Variants in PDE4B observed in about 807,000 individuals in gnomAD.
PDE4B encodes phosphodiesterase 4B, also known as 3',5'-cyclic-AMP phosphodiesterase 4B.
A neutral mutation model predicts 82.2 loss-of-function variants in PDE4B; 20 were observed. The ratio of observed to expected loss-of-function variants is 0.24; its 90% confidence interval spans 0.17 to 0.35. The LOEUF is 0.35. Ranked by LOEUF, PDE4B falls within the 10% of genes least tolerant of loss-of-function variation. PDE4B has a pLI of 1.00. For synonymous variants in PDE4B, 320 were observed against 318.9 expected, an observed-to-expected ratio of 1.00 and a Z score of -0.04; for missense variants, 655 against 907.2, an observed-to-expected ratio of 0.72 and a Z score of 3.57.
In PDE4B at chr1:66,208,236, G is replaced by A. The variant is rs557201259; in HGVS notation, c.282-39224G>A. Among the ~76,000 whole-genome samples, 8 of 152,234 alleles carry A rather than the reference G, an allele frequency of 5.3e-5. No individual in the cohort carries two copies. In the East Asian group the frequency reaches 1.2e-3, roughly 22 times the overall value. On this transcript the variant is annotated intron_variant, in intron 3 of 16. Transcript: ENST00000341517. ...ACCTTCTTGGAGCCTTGAGAGACAG[G>A]CACAGGTTCTCTTACATAGGCTATT...
intron 1 of PDE4B, among the ~76,000 whole-genome samples, chr1:65,905,181 T>C (rs978281173): frequency 6.6e-6 from 1 of 152,164 alleles, no homozygotes; most frequent in African/African-American, 2.4e-5. Flanking sequence ...CAAACAAATA[T>C]GTAATTGTGA....
chr1:66,193,398 T>C lies in PDE4B; in HGVS notation c.282-54062T>C, dbSNP rs75501381. ...GGTTGTCAAATCAATGATGGAATGA[T>C]ATTGTAGGTTCACCATATCCCGTTC... is the stretch of plus-strand genomic sequence containing the variant. On this transcript the variant is annotated intron_variant, in intron 3 of 16. Coordinates refer to ENST00000341517, the MANE Select transcript of PDE4B (RefSeq NM_002600.4). 6.6e-5 allele frequency among the ~76,000 whole-genome samples: 10 copies of C among 152,284 alleles called. No homozygotes were observed. The East Asian group carries it at 1.9e-3, about 29-fold the overall frequency.
In PDE4B at chr1:65,873,291, C is replaced by T. The variant is rs180925478; in HGVS notation, c.-70-39954C>T. Among the ~76,000 whole-genome samples the T allele has an allele frequency of 2.8e-4, 43 of 152,034 alleles. No homozygotes were observed. In the East Asian group the frequency reaches 5.6e-3, roughly 20 times the overall value. ...ACTGGCTCAAGCACAAGATAGAACT[C>T]GGGAAGTAAGATGAGTAGGGGCAGC... is the stretch of plus-strand genomic sequence containing the variant. On this transcript the variant is annotated intron_variant, in intron 1 of 16. Transcript: ENST00000341517.
At chr1:65,923,320 C>T (rs1647319811) in intron 3 of PDE4B, among the ~76,000 whole-genome samples, 1 of 152,134 alleles carries the variant, frequency 6.6e-6, no homozygotes, top group Non-Finnish European at 1.5e-5. Context: ...GATAATAAGC[C>T]AATTCTGGGC....
At chr1:66,217,514 C>T (rs1331695054) in intron 3 of PDE4B, among the ~76,000 whole-genome samples, 3 of 152,082 alleles carry the variant, frequency 2.0e-5, no homozygotes, top group African/African-American at 4.8e-5. Flanking sequence ...TTTGATGTCT[C>T]CTGTTGGCTG....
intron 3 of PDE4B, among the ~76,000 whole-genome samples, chr1:66,068,072 A>T (rs1392821): frequency 0.52 from 78,535 of 149,864 alleles, 20,638 homozygotes; most frequent in East Asian, 0.59. Flanking sequence ...GTGCACATGT[A>T]CCCTAAAACT....
chr1:66,070,666 G>A (rs982419766), intron 3 of PDE4B, among the ~76,000 whole-genome samples: 5 of 151,934 alleles, frequency 3.3e-5, no homozygotes, highest in African/African-American at 9.7e-5. Flanking sequence ...ATATTAGGAA[G>A]CAGGAAAGGA....
intron 3 of PDE4B, among the ~76,000 whole-genome samples, chr1:66,177,517 G>A (rs968769575): frequency 6.6e-6 from 1 of 152,162 alleles, no homozygotes; most frequent in Non-Finnish European, 1.5e-5. Context: ...TTACCTCCTT[G>A]AGAATACTTG....
chr1:66,139,745 A>AAAC (rs1049500066), intron 3 of PDE4B, among the ~76,000 whole-genome samples: 3 of 148,910 alleles, frequency 2.0e-5, no homozygotes, highest in African/African-American at 7.5e-5. Flanking sequence ...CAAAAAAAAA[A>AAAC]AAAAAAACAA....
chr1:65,834,528 G>A (rs116053581), intron 1 of PDE4B, among the ~76,000 whole-genome samples: 2,811 of 152,198 alleles, frequency 0.018, 84 homozygotes, highest in African/African-American at 0.065. Context: ...GAGAAAGGGC[G>A]GAAAAACCAG....
intron 3 of PDE4B, among the ~76,000 whole-genome samples, chr1:66,054,197 T>C (rs778624196): frequency 6.6e-6 from 1 of 152,192 alleles, no homozygotes; most frequent in Non-Finnish European, 1.5e-5. Context: ...CAAAAAGTGA[T>C]CATAGATTAC....
At chr1:65,985,117 G>C (rs796096529) in intron 3 of PDE4B, among the ~76,000 whole-genome samples, 24 of 152,212 alleles carry the variant, frequency 1.6e-4, no homozygotes, top group African/African-American at 5.8e-4. Flanking sequence ...TAAGTCAGCT[G>C]ATCTTGATCT....
At chr1:66,354,896 T>G in intron 8 of PDE4B, 1 of 1,535,462 alleles carries the variant, frequency 6.5e-7, no homozygotes, top group Non-Finnish European at 8.7e-7. Context: ...TACATCAAGG[T>G]GGGTTAATTT....
At chr1:66,235,200 G>A (rs7542394) in intron 3 of PDE4B, among the ~76,000 whole-genome samples, 23,855 of 151,932 alleles carry the variant, frequency 0.16, 3,395 homozygotes, top group East Asian at 0.37. Flanking sequence ...CGTTTCACGT[G>A]CACTTGAAAA....
At chr1:66,110,149 G>C (rs1042825728) in intron 3 of PDE4B, among the ~76,000 whole-genome samples, 1 of 151,780 alleles carries the variant, frequency 6.6e-6, no homozygotes, top group Non-Finnish European at 1.5e-5. Flanking sequence ...TGCTGGTAAA[G>C]AGGAACCTGA....
intron 1 of PDE4B, among the ~76,000 whole-genome samples, chr1:65,904,672 C>A (rs1403251582): frequency 6.6e-6 from 1 of 152,150 alleles, no homozygotes; most frequent in African/African-American, 2.4e-5. Context: ...TTATTTGCTG[C>A]TTCCAAGTGG....
In PDE4B at chr1:65,934,317, G is replaced by A. The variant is rs114399083; in HGVS notation, c.281+15482G>A. ...ATATTTTTAAAATTAGTTGAGCATG[G>A]TGGCATATACCTGTAGCCCTAGCTG... On this transcript the variant is annotated intron_variant, in intron 3 of 16. Coordinates refer to ENST00000341517, the MANE Select transcript of PDE4B (RefSeq NM_002600.4). Among the ~76,000 whole-genome samples, 794 of 152,228 alleles carry A rather than the reference G, an allele frequency of 5.2e-3. 5 individuals carry two copies. Among genetic ancestry groups the A allele is most frequent in the African/African-American group, 0.018 (745 of 41,544 alleles).
At chr1:66,075,924 C>CA (rs66471160) in intron 3 of PDE4B, among the ~76,000 whole-genome samples, 5 of 21,372 alleles carry the variant, frequency 2.3e-4, no homozygotes, top group African/African-American at 8.1e-4. Context: ...CAAAACAAAA[C>CA]AAAAAAAACA....
chr1:66,187,193 A>G (rs533983942), intron 3 of PDE4B, among the ~76,000 whole-genome samples: 3 of 152,168 alleles, frequency 2.0e-5, no homozygotes, highest in South Asian at 4.2e-4. Context: ...CCACTTGATC[A>G]TGGTGGATAA....
Sources: gnomAD v4.1 joint callset for allele counts (sites outside exome capture counted in the v4.1 genomes callset) on GRCh38, gnomAD v4.1.1 for gene constraint, MANE v1.5 for transcripts, NCBI Gene and HGNC (gene_info 2026-07-23, HGNC 2026-07-21) for gene names.